HEATR3: variants seen among roughly 807,000 people sequenced by gnomAD.
HEATR3 encodes HEAT repeat containing 3.
HEATR3 carries 56 observed loss-of-function variants against 72.8 expected under a neutral mutation model. The ratio of observed to expected loss-of-function variants is 0.77; its 90% confidence interval spans 0.62 to 0.96. The LOEUF (loss-of-function observed/expected upper bound fraction) is 0.96, where lower values mean the gene tolerates loss of function less well. Ranked by LOEUF, HEATR3 falls within the 40% of genes least tolerant of loss-of-function variation. The pLI is 0.00. For missense variants in HEATR3, 747 were observed against 831.4 expected (o/e 0.90, Z 1.25); for synonymous variants, 331 against 318.1 (o/e 1.04, Z -0.43).
rs769615676 is a variant in HEATR3 at position 50,075,648 on chromosome 16, G to A, written c.700G>A (p.Glu234Lys). 3 of 1,613,400 alleles carry A rather than the reference G, an allele frequency of 1.9e-6. No individual in the cohort carries two copies. In the African/African-American group the frequency reaches 4.0e-5, roughly 22 times the overall value. ...CAGTGCTACAGCATTGAACATGCTG[G>A]AATCAGCACTGCTTTCTCCTGTCAG... ...SFSATALNML[E>K]SALLSPVSSM... Residue 234 changes from glutamate to lysine, a missense_variant, in exon 6 of 15, where the codon GAA (glutamate) becomes AAA (lysine). Glu to Lys is a moderately conservative substitution (Grantham distance 56). This residue lies in a region of HEATR3 where 586 missense variants were observed against 708.8 expected (regional missense o/e 0.83). Transcript: ENST00000299192.
intron 13 of HEATR3, among the ~76,000 whole-genome samples, chr16:50,101,924 TGTC>T (rs1400266436): frequency 7.4e-6 from 1 of 135,600 alleles, no homozygotes; most frequent in Non-Finnish European, 1.6e-5. Context: ...TTTTTGTTGT[TGTC>T]GTTGTTGTTA....
Position 50,106,782 on chromosome 16 carries a change from G to A in HEATR3, c.*1721G>A, listed in dbSNP as rs1038753634. 6.6e-6 allele frequency: 1 copy of A among 152,134 alleles called. No homozygotes were observed. Among genetic ancestry groups the A allele is most frequent in the Non-Finnish European group, 1.5e-5 (1 of 68,046 alleles). The allele number at this position is 152,134 out of a possible 1,614,324, so 9.4% of individuals were successfully genotyped here. On this transcript the variant is annotated 3_prime_UTR_variant, in exon 15 of 15. Coordinates refer to ENST00000299192, the MANE Select transcript of HEATR3 (RefSeq NM_182922.4). The stretch of plus-strand genomic sequence containing the variant: ...CAGCAGCACAAAATGAGCTAGTAGT[G>A]TTAGATTTCATCTGCACTGTGATGT...
At chr16:50,080,596 C>T (rs927109355) in intron 7 of HEATR3, among the ~76,000 whole-genome samples, 2 of 152,092 alleles carry the variant, frequency 1.3e-5, no homozygotes, top group Non-Finnish European at 2.9e-5. Context: ...GCCTTGGCCT[C>T]CCAAAGTGCT....
chr16:50,072,067 A>G (rs2036624667), intron 4 of HEATR3, among the ~76,000 whole-genome samples: 1 of 152,132 alleles, frequency 6.6e-6, no homozygotes, highest in African/African-American at 2.4e-5. Flanking sequence ...GTTTTTGTTA[A>G]TGTTCTAAAA....
chr16:50,072,528 T>G, intron 4 of HEATR3, 77 bp from the exon 5 acceptor site: 1 of 942,440 alleles, frequency 1.1e-6, no homozygotes, highest in East Asian at 2.5e-5. Flanking sequence ...CTCGTTTGTT[T>G]TTTTATGGAT....
chr16:50,084,665 T>G lies in HEATR3; in HGVS notation c.1373+14T>G. 1 of 1,538,976 alleles carries G rather than the reference T, an allele frequency of 6.5e-7. No homozygotes were observed. The highest frequency in any genetic ancestry group is 8.9e-7 in the Non-Finnish European group (1 of 1,118,756). ...TTTGATTAGAAAGTAAGAACTCTTC[T>G]GCTTTCAAAAACATTTGTCATTATT... On this transcript the variant is annotated intron_variant, in intron 10 of 14. Coordinates refer to ENST00000299192, the MANE Select transcript of HEATR3 (RefSeq NM_182922.4).
intron 1 of HEATR3, 40 bp from the exon 2 acceptor site, chr16:50,066,327 G>A: frequency 6.4e-7 from 1 of 1,562,860 alleles, no homozygotes; most frequent in Non-Finnish European, 8.6e-7. Flanking sequence ...GCGCGCGTGC[G>A]CATTGCGCGC....
At chr16:50,089,085 G>A (rs1379873026) in intron 11 of HEATR3, among the ~76,000 whole-genome samples, 1 of 152,226 alleles carries the variant, frequency 6.6e-6, no homozygotes, top group Non-Finnish European at 1.5e-5. Flanking sequence ...TTTATTAACT[G>A]CAAAGATCAC....
At position 50,066,147 on chromosome 16, in the gene HEATR3, A is replaced by G; in HGVS notation, c.16A>G (p.Thr6Ala). MGKSRTKRFKRPQFSP... is the reference protein window; with the variant it reads MGKSRAKRFKRPQFSP... ...GCACGTCACCATGGGCAAGAGCCGG[A>G]CGAAGCGCTTCAAGCGACCTCAGTT... The change falls in exon 1 of 15, where the codon ACG becomes GCG. Residue 6 changes from threonine (T) to alanine (A), a missense_variant. Coordinates refer to ENST00000299192, the MANE Select transcript of HEATR3 (RefSeq NM_182922.4). 2 of 1,596,820 alleles carry G rather than the reference A, an allele frequency of 1.3e-6. No homozygotes were observed. Among genetic ancestry groups the G allele is most frequent in the Non-Finnish European group, 1.7e-6 (2 of 1,173,298 alleles).
Position 50,076,173 on chromosome 16 carries a change from A to T in HEATR3, c.763+462A>T, listed in dbSNP as rs962686016. ...TTGCAGAGATAATTTATGTTGAGAG[A>T]TTTTTTTTTTACTTTTTTACTTTTT... On this transcript the variant is annotated intron_variant, in intron 6 of 14. Transcript: ENST00000299192. Among the ~76,000 whole-genome samples the T allele has an allele frequency of 2.0e-5, 3 of 150,366 alleles. No homozygotes were observed. The East Asian group carries it at 5.8e-4, about 29-fold the overall frequency.
At chr16:50,067,065 G>A (rs546314180) in intron 2 of HEATR3, among the ~76,000 whole-genome samples, 2 of 152,098 alleles carry the variant, frequency 1.3e-5, no homozygotes, top group East Asian at 1.9e-4. Context: ...TGAATTGGGT[G>A]CTCTTGGGCC....
intron 11 of HEATR3, among the ~76,000 whole-genome samples, chr16:50,093,603 C>T (rs1040012854): frequency 3.9e-5 from 6 of 152,144 alleles, no homozygotes; most frequent in African/African-American, 1.4e-4. Flanking sequence ...TTATCTGGTC[C>T]AAAATGTCAG....
chr16:50,073,854 A>T (rs1033771488), intron 5 of HEATR3: 2 of 152,202 alleles, frequency 1.3e-5, no homozygotes, highest in Non-Finnish European at 2.9e-5. Flanking sequence ...TTCCTTCTCC[A>T]TGTAGCTAGA....
In HEATR3 at chr16:50,084,664, C is replaced by G. The variant is rs201479288; in HGVS notation, c.1373+13C>G. 351 of 1,542,230 alleles carry G rather than the reference C, an allele frequency of 2.3e-4. No individual in the cohort carries two copies. Among genetic ancestry groups the G allele is most frequent in the Non-Finnish European group, 2.9e-4 (325 of 1,121,932 alleles). On this transcript the variant is annotated intron_variant, in intron 10 of 14. Transcript: ENST00000299192. ...CTTTGATTAGAAAGTAAGAACTCTT[C>G]TGCTTTCAAAAACATTTGTCATTAT...
At position 50,100,290 on chromosome 16, in the gene HEATR3, G is replaced by A. The variant is rs1251681451; in HGVS notation, c.1660G>A (p.Gly554Arg). Residue 554 changes from glycine (G) to arginine (R), a missense_variant, in exon 13 of 15, where the codon GGG becomes AGG. Coordinates refer to ENST00000299192, the MANE Select transcript of HEATR3 (RefSeq NM_182922.4). ...CKAGIHSSNVGVRVNVVSILG... is the reference protein window; with the variant it reads ...CKAGIHSSNVRVRVNVVSILG... ...AGCAGGCATTCATAGTAGTAATGTCGGGGTTAGAGTGAATGTCGTTAGCAT... is the reference window on the plus strand; with the variant it reads ...AGCAGGCATTCATAGTAGTAATGTCAGGGTTAGAGTGAATGTCGTTAGCAT... 13 of 1,613,760 alleles carry A rather than the reference G, an allele frequency of 8.1e-6. No individual in the cohort carries two copies. The highest frequency in any genetic ancestry group is 3.3e-5 in the Admixed American group (2 of 59,982).
intron 12 of HEATR3, among the ~76,000 whole-genome samples, chr16:50,099,256 G>T (rs939577648): frequency 7.2e-5 from 11 of 152,110 alleles, no homozygotes; most frequent in Non-Finnish European, 1.5e-4. Flanking sequence ...ATTTCCCCTG[G>T]TATGTAAGCA....
Position 50,066,530 on chromosome 16 carries a change from G to A in HEATR3, c.302G>A (p.Gly101Asp). ...CTGGCCGTCAGGGAGACTGCAGCCG[G>A]CGCGCTGAGGTGAGCCAGGAAGGGT... is the stretch of plus-strand genomic sequence containing the variant. ...PSLAVRETAA[G>D]ALRNLSACGG... The change falls in exon 2 of 15, where the codon GGC becomes GAC. Residue 101 changes from glycine to aspartate, a missense_variant. This residue lies in a region of HEATR3 where 586 missense variants were observed against 708.8 expected (regional missense o/e 0.83). Coordinates refer to ENST00000299192, the MANE Select transcript of HEATR3 (RefSeq NM_182922.4). The A allele has an allele frequency of 9.9e-6, 13 of 1,309,196 alleles. No individual in the cohort carries two copies. The highest frequency in any genetic ancestry group is 1.3e-5 in the Non-Finnish European group (13 of 1,033,650). 81.1% of individuals were successfully genotyped at this position (1,309,196 alleles called of 1,614,324 possible).
intron 6 of HEATR3, among the ~76,000 whole-genome samples, chr16:50,078,409 G>A (rs2036788622): frequency 6.6e-6 from 1 of 152,140 alleles, no homozygotes. Flanking sequence ...AAGCTGCTGA[G>A]GAGAGCAGCT....
chr16:50,076,106 CTTTA>C (rs748976043), intron 6 of HEATR3, among the ~76,000 whole-genome samples: 15 of 151,576 alleles, frequency 9.9e-5, no homozygotes, highest in Admixed American at 3.9e-4. Flanking sequence ...TTAGTATGTA[CTTTA>C]TTTAGTTTAT....
Sources: gnomAD v4.1 joint callset for allele counts (sites outside exome capture counted in the v4.1 genomes callset) on GRCh38, gnomAD v4.1.1 for gene constraint, gnomAD v4.1.1 regional missense constraint, MANE v1.5 for transcripts, NCBI Gene and HGNC (gene_info 2026-07-23, HGNC 2026-07-21) for gene names.